GPC4: variants seen among roughly 807,000 people sequenced by gnomAD.
The protein encoded by GPC4 is glypican 4.
A neutral mutation model predicts 35.0 loss-of-function variants in GPC4; 10 were observed. That is an observed-to-expected ratio of 0.29 (90% CI 0.18 to 0.48). The LOEUF (loss-of-function observed/expected upper bound fraction) is 0.48. Among genes scored for constraint, GPC4 ranks in the 20% least tolerant of loss-of-function variants. The pLI is 0.99. For missense variants in GPC4, 322 were observed against 451.3 expected, an observed-to-expected ratio of 0.71 and a Z score of 2.60; for synonymous variants, 167 against 170.2, an observed-to-expected ratio of 0.98 and a Z score of 0.15.
chrX:133,350,263 C>T (rs1255366771), intron 1 of GPC4, among the ~76,000 whole-genome samples: 3 of 111,673 alleles, frequency 2.7e-5, no homozygotes, highest in African/African-American at 9.8e-5. Flanking sequence ...TGGCTCATGC[C>T]TGTAATCCTA....
intron 1 of GPC4, among the ~76,000 whole-genome samples, chrX:133,377,834 C>T (rs2068641105): frequency 9.2e-6 from 1 of 109,172 alleles, no homozygotes. Context: ...AATTCACATA[C>T]CATACAATTC....
chrX:133,339,433 G>A, intron 1 of GPC4, 92 bp from the exon 2 acceptor site: 2 of 837,194 alleles, frequency 2.4e-6, no homozygotes, highest in Non-Finnish European at 3.3e-6. Flanking sequence ...CAACCTGTGA[G>A]GCTCCTGCAA....
intron 2 of GPC4, among the ~76,000 whole-genome samples, chrX:133,329,942 G>C (rs1343234566): frequency 9.0e-5 from 10 of 111,674 alleles, no homozygotes; most frequent in Middle Eastern, 4.6e-3. Flanking sequence ...TCTATCCCCA[G>C]CTACTTGTCT....
intron 1 of GPC4, among the ~76,000 whole-genome samples, chrX:133,340,484 C>T (rs887205643): frequency 8.9e-6 from 1 of 111,944 alleles, no homozygotes; most frequent in Non-Finnish European, 1.9e-5. Flanking sequence ...ATCTGAGGAA[C>T]TCAGGAATGA....
At chrX:133,382,264 TA>T (rs2068663851) in intron 1 of GPC4, among the ~76,000 whole-genome samples, 3 of 105,801 alleles carry the variant, frequency 2.8e-5, no homozygotes, top group Admixed American at 2.1e-4. Flanking sequence ...TTGTTTCTAC[TA>T]AAAAATACAA....
In GPC4 at chrX:133,302,750, G is replaced by C; in HGVS notation, c.*117C>G. On this transcript the variant is annotated 3_prime_UTR_variant, in exon 9 of 9. Coordinates refer to ENST00000370828, the MANE Select transcript of GPC4 (RefSeq NM_001448.3). ...CACTTCTTAAACCAGTGGCCACATA[G>C]TAAAAACTGTACATTGTTGTCCATT... The C allele has an allele frequency of 3.0e-6, 2 of 677,169 alleles. No individual in the cohort carries two copies. The highest frequency in any genetic ancestry group is 3.3e-5 in the Admixed American group (1 of 30,723). The allele number at this position is 677,169 out of a possible 1,213,427, so 55.8% of individuals were successfully genotyped here.
At chrX:133,374,216 C>T (rs926017497) in intron 1 of GPC4, among the ~76,000 whole-genome samples, 1 of 111,199 alleles carries the variant, frequency 9.0e-6, no homozygotes. Context: ...CCATAGCCAC[C>T]AAAGGGATGA....
intron 1 of GPC4, among the ~76,000 whole-genome samples, chrX:133,344,203 T>G (rs868656247): frequency 1.5e-4 from 1 of 6,733 alleles, no homozygotes; most frequent in Non-Finnish European, 2.1e-4. Flanking sequence ...TTTTTTTTTT[T>G]TTTTTTTTTT....
rs368880942 is a variant in GPC4 at position 133,324,130 on chromosome X, A to T, written c.711+15T>A. On this transcript the variant is annotated intron_variant, in intron 3 of 8. Coordinates refer to ENST00000370828, the MANE Select transcript of GPC4 (RefSeq NM_001448.3). ...ACAAAACAAAAACAAAACAGAGAAGACAAGGAGTACTTACCACGGAGACCT... is the reference window on the plus strand; with the variant it reads ...ACAAAACAAAAACAAAACAGAGAAGTCAAGGAGTACTTACCACGGAGACCT... 2.4e-5 allele frequency: 28 copies of T among 1,166,242 alleles called. No individual in the cohort carries two copies. The African/African-American group carries it at 4.9e-4, about 20-fold the overall frequency.
intron 1 of GPC4, among the ~76,000 whole-genome samples, chrX:133,348,266 C>T (rs1246558339): frequency 8.9e-6 from 1 of 112,406 alleles, no homozygotes; most frequent in Non-Finnish European, 1.9e-5. Flanking sequence ...GCACACCAAA[C>T]CAAACTGAGT....
intron 1 of GPC4, among the ~76,000 whole-genome samples, chrX:133,345,185 G>C (rs2068487249): frequency 8.9e-6 from 1 of 111,844 alleles, no homozygotes; most frequent in Non-Finnish European, 1.9e-5. Flanking sequence ...CAGGAATATG[G>C]GTTTGAAGCC....
intron 1 of GPC4, among the ~76,000 whole-genome samples, chrX:133,382,278 T>C (rs928832371): frequency 9.7e-6 from 1 of 102,848 alleles, no homozygotes; most frequent in Admixed American, 1.1e-4. Flanking sequence ...AAATACAAAA[T>C]AGCTGGGCGT....
At chrX:133,375,628 AT>A (rs1471052105) in intron 1 of GPC4, among the ~76,000 whole-genome samples, 1 of 112,150 alleles carries the variant, frequency 8.9e-6, no homozygotes, top group East Asian at 2.8e-4. Flanking sequence ...GTCTCTGGCC[AT>A]TTAGAAATCC....
Position 133,404,866 on chromosome X carries a change from A to AAAAAAAAAAAAAG in GPC4, c.160+9939_160+9940insCTTTTTTTTTTTT, listed in dbSNP as rs753375530. ...GACCCTGTCTCAAAAAAAAAAAAAA[A>AAAAAAAAAAAAAG]AAGGTGCAGAGGAACAAAATCATAA... On this transcript the variant is annotated intron_variant, in intron 1 of 8. Coordinates refer to ENST00000370828, the MANE Select transcript of GPC4 (RefSeq NM_001448.3). Among the ~76,000 whole-genome samples, 34 of 89,263 alleles carry AAAAAAAAAAAAAG rather than the reference A, an allele frequency of 3.8e-4. 3 individuals are homozygous for AAAAAAAAAAAAAG. The highest frequency in any genetic ancestry group is 1.4e-3 in the African/African-American group (27 of 19,220). The allele number at this position is 89,263 out of a possible 115,157, so 77.5% of individuals were successfully genotyped here.
rs780857474 is a variant in GPC4, at chrX:133,399,600, A to T, written c.160+15206T>A. On this transcript the variant is annotated intron_variant, in intron 1 of 8. Transcript: ENST00000370828. ...TACCAACCAATCAGGGCTCACTTGT[A>T]TCAACCAATCAGGGCCCAGCTGAGT... is the stretch of plus-strand genomic sequence containing the variant. Among the ~76,000 whole-genome samples, 208 of 112,339 alleles carry T rather than the reference A, an allele frequency of 1.9e-3. 2 individuals carry two copies. Among genetic ancestry groups the T allele is most frequent in the African/African-American group, 6.4e-3 (199 of 30,968 alleles).
At position 133,340,195 on chromosome X, in the gene GPC4, G is replaced by T. The variant is rs191479267; in HGVS notation, c.161-854C>A. Among the ~76,000 whole-genome samples, 363 of 110,150 alleles carry T rather than the reference G, an allele frequency of 3.3e-3. 1 individual carries two copies. Among genetic ancestry groups the T allele is most frequent in the Non-Finnish European group, 5.9e-3 (309 of 52,730 alleles). On this transcript the variant is annotated intron_variant, in intron 1 of 8. Transcript: ENST00000370828. ...TGCAGTTTGGAGGTGAGGGTTGGGC[G>T]GGGGGTTTTTTCTATATGCCCCAGA...
At chrX:133,319,694 T>C (rs2068355784) in intron 3 of GPC4, among the ~76,000 whole-genome samples, 1 of 110,758 alleles carries the variant, frequency 9.0e-6, no homozygotes, top group Admixed American at 9.7e-5. Context: ...TGGGAACCCA[T>C]ATATATAAAA....
At chrX:133,368,610 A>G (rs1477638857) in intron 1 of GPC4, among the ~76,000 whole-genome samples, 2 of 111,519 alleles carry the variant, frequency 1.8e-5, no homozygotes, top group Non-Finnish European at 3.8e-5. Context: ...CTAAGAATAT[A>G]AAGAAAAATT....
intron 1 of GPC4, among the ~76,000 whole-genome samples, chrX:133,400,537 T>TTCA (rs762793631): frequency 5.6e-4 from 63 of 112,521 alleles, no homozygotes; most frequent in Non-Finnish European, 1.1e-3. Flanking sequence ...ATCCTTTTTA[T>TTCA]TCACTGTTCT....
Sources: gnomAD v4.1 joint callset for allele counts (sites outside exome capture counted in the v4.1 genomes callset) on GRCh38, gnomAD v4.1.1 for gene constraint, MANE v1.5 for transcripts, NCBI Gene and HGNC (gene_info 2026-07-23, HGNC 2026-07-21) for gene names.